NACA: variants seen among roughly 807,000 people sequenced by gnomAD.
NACA encodes the protein nascent polypeptide associated complex subunit alpha.
In NACA, 42 loss-of-function variants were observed where a neutral mutation model predicts 86.4. The ratio of observed to expected loss-of-function variants is 0.49; its 90% CI spans 0.38 to 0.63. NACA has a LOEUF of 0.63. NACA is among the 20% of genes least tolerant of loss of function. The pLI, the probability that NACA is intolerant of heterozygous loss-of-function variation, is 0.00. For synonymous variants in NACA, 898 were observed against 973.7 expected (o/e 0.92, Z 1.45); for missense variants, 2,157 against 2,483.6 (o/e 0.87, Z 2.80).
rs779798540 is a variant in NACA at position 56,715,888 on chromosome 12, A to G, written c.5642T>C (p.Val1881Ala). 6.6e-7 allele frequency: 1 copy of G among 1,516,544 alleles called. No homozygotes were observed. Among genetic ancestry groups the G allele is most frequent in the Non-Finnish European group, 8.8e-7 (1 of 1,132,990 alleles). The allele number at this position is 1,516,544 out of a possible 1,614,324, so 93.9% of individuals were successfully genotyped here. Residue 1881 changes from valine to alanine, a missense_variant, in exon 3 of 9, where the codon GTT becomes GCT. Val to Ala is a moderately conservative substitution (Grantham distance 64, BLOSUM62 0). This residue lies in a region of NACA where 797 missense variants were observed against 777.6 expected (regional missense o/e 1.02). Transcript: ENST00000454682. ...PVPTPSAKQPVTKNNKGSGTE... is the reference protein window; with the variant it reads ...PVPTPSAKQPATKNNKGSGTE... ...GCAAATACCCTTGTTGTTCTTCGTAACAGGTTGCTTGGCAGAGGGGGTTGG... is the reference window on the plus strand; with the variant it reads ...GCAAATACCCTTGTTGTTCTTCGTAGCAGGTTGCTTGGCAGAGGGGGTTGG...
intron 2 of NACA, among the ~76,000 whole-genome samples, chr12:56,722,877 G>A (rs11171952): frequency 0.045 from 6,666 of 148,288 alleles, 211 homozygotes; most frequent in Non-Finnish European, 0.069. Context: ...ATGCTTAGAA[G>A]GGAATGTTAA....
Position 56,720,598 on chromosome 12 carries a change from G to T in NACA, c.932C>A (p.Pro311His), listed in dbSNP as rs1363504975. 1 of 1,613,970 alleles carries T rather than the reference G, an allele frequency of 6.2e-7. No homozygotes were observed. Among genetic ancestry groups the T allele is most frequent in the South Asian group, 1.1e-5 (1 of 91,080 alleles). Residue 311 changes from proline (P) to histidine (H), a missense_variant, in exon 3 of 9, where the codon CCT becomes CAT. By Grantham distance (77) the Pro-to-His change is moderately conservative. Around this residue, in one of 8 missense-constraint regions of NACA, gnomAD observed 947 missense variants for 917.9 expected, o/e 1.03. Coordinates refer to ENST00000454682, the MANE Select transcript of NACA (RefSeq NM_001365896.1). ...FPISLGSHLA[P>H]LHQSSFGSVQ... is the part of the protein sequence containing the mutation. ...AGAACCAAAAGAACTCTGATGTAAA[G>T]GTGCAAGATGAGAGCCCAGAGAAAT... is the stretch of plus-strand genomic sequence containing the variant.
intron 1 of NACA, 47 bp from the exon 2 acceptor site, chr12:56,724,570 T>A: frequency 6.4e-7 from 1 of 1,564,294 alleles, no homozygotes; most frequent in Non-Finnish European, 8.7e-7. Flanking sequence ...TGGGATACAT[T>A]CACTTGCCCA....
chr12:56,721,038 C>T lies in NACA; in HGVS notation c.492G>A (p.Val164=). 1 of 1,613,918 alleles carries T rather than the reference C, an allele frequency of 6.2e-7. No homozygotes were observed. Among genetic ancestry groups the T allele is most frequent in the East Asian group, 2.2e-5 (1 of 44,880 alleles). ...TCACTGACCCTGACTCAGCTACAGC[C>T]ACTGAAGGAGGTGAAGTAAGAAGGT... ...PPNLLTSPPS[V]AVAESGSVIT... is the part of the protein sequence containing the mutation. Residue 164 remains valine, a synonymous_variant, in exon 3 of 9, where the codon GTG becomes GTA. Transcript: ENST00000454682.
chr12:56,718,591 G>A lies in NACA; in HGVS notation c.2939C>T (p.Pro980Leu). The change falls in exon 3 of 9, where the codon CCA (proline) becomes CTA (leucine). Residue 980 changes from proline (P) to leucine (L), a missense_variant. Physicochemically the swap from Pro to Leu is moderately conservative, Grantham distance 98. Around this residue, in one of 8 missense-constraint regions of NACA, gnomAD observed 124 missense variants for 186.5 expected, o/e 0.66. Coordinates refer to ENST00000454682, the MANE Select transcript of NACA (RefSeq NM_001365896.1). ...PPSPKGGPAT[P>L]SPKGAPTPPA... The stretch of plus-strand genomic sequence containing the variant: ...GGGTGTGGGGGCCCCTTTGGGGGAT[G>A]GAGTAGCTGGACCTCCTTTTGGGGA... The A allele has an allele frequency of 7.6e-7, 1 of 1,321,044 alleles. No homozygotes were observed. Among genetic ancestry groups the A allele is most frequent in the Non-Finnish European group, 9.8e-7 (1 of 1,016,692 alleles). 81.8% of individuals were successfully genotyped at this position (1,321,044 alleles called of 1,614,324 possible). A position where few individuals can be genotyped will look rare whatever the true frequency, so the allele number is the denominator to read the frequency against.
chr12:56,716,858 G>C lies in NACA; in HGVS notation c.4672C>G (p.Pro1558Ala). Reference sequence around the variant, plus strand: ...GTTGGAATTGCTGGGGTCTTTTTAGGGGAGGGAACAGTCATAGCTGGGGGA... The same window carrying C: ...GTTGGAATTGCTGGGGTCTTTTTAGCGGAGGGAACAGTCATAGCTGGGGGA... Reference protein sequence around the residue: ...LIPPAMTVPSPKKTPAIPTPK... With the variant: ...LIPPAMTVPSAKKTPAIPTPK... The change falls in exon 3 of 9, where the codon CCT becomes GCT. Residue 1558 changes from proline (P) to alanine (A), a missense_variant. Around this residue, in one of 8 missense-constraint regions of NACA, gnomAD observed 797 missense variants for 777.6 expected, o/e 1.02. Coordinates refer to ENST00000454682, the MANE Select transcript of NACA (RefSeq NM_001365896.1). 2 of 1,335,592 alleles carry C rather than the reference G, an allele frequency of 1.5e-6. No homozygotes were observed. Among genetic ancestry groups the C allele is most frequent in the South Asian group, 1.5e-5 (1 of 67,940 alleles). 82.7% of individuals were successfully genotyped at this position (1,335,592 alleles called of 1,614,324 possible).
rs371282739 is a variant in NACA, at chr12:56,720,677, C to A, written c.853G>T (p.Val285Leu). 2 of 1,613,920 alleles carry A rather than the reference C, an allele frequency of 1.2e-6. No individual in the cohort carries two copies. The highest frequency in any genetic ancestry group is 3.3e-4 in the Middle Eastern group (2 of 6,062). Reference protein sequence around the residue: ...ALSLSTQSLPVVTSSQKTAGP... With the variant: ...ALSLSTQSLPLVTSSQKTAGP... ...GCAGTCTTTTGAGAAGAGGTCACCA[C>A]AGGAAGAGACTGAGTTGAAAGAGAT... Residue 285 changes from valine (V) to leucine (L), a missense_variant, in exon 3 of 9, where the codon GTG (valine) becomes TTG (leucine). Transcript: ENST00000454682.
intron 4 of NACA, 23 bp downstream of exon 4, chr12:56,714,579 C>T (rs200342422): frequency 1.2e-6 from 2 of 1,613,368 alleles, no homozygotes; most frequent in East Asian, 4.5e-5. Context: ...TGACCCAATA[C>T]CAGTTAGTAA....
Position 56,712,887 on chromosome 12 carries a change from C to A in NACA, c.6121G>T (p.Val2041Phe), listed in dbSNP as rs1319717101. The change falls in exon 8 of 9, where the codon GTT becomes TTT. Residue 2041 changes from valine to phenylalanine, a missense_variant. Physicochemically the swap from Val to Phe is conservative, Grantham distance 50. Transcript: ENST00000454682. ...EEEVDETGVE[V>F]KDIELVMSQA... is the part of the protein sequence containing the mutation. ...GACATGACCAATTCAATGTCCTTAA[C>A]TTCTACACCTGTTTCATCGACCTGA... is the stretch of plus-strand genomic sequence containing the variant. The A allele has an allele frequency of 6.2e-7, 1 of 1,614,064 alleles. No individual in the cohort carries two copies. Among genetic ancestry groups the A allele is most frequent in the African/African-American group, 1.3e-5 (1 of 74,916 alleles).
At position 56,718,436 on chromosome 12, in the gene NACA, C is replaced by A; in HGVS notation, c.3094G>T (p.Ala1032Ser). 3 of 1,214,478 alleles carry A rather than the reference C, an allele frequency of 2.5e-6. No homozygotes were observed. The highest frequency in any genetic ancestry group is 2.1e-6 in the Non-Finnish European group (2 of 961,302). The allele number at this position is 1,214,478 out of a possible 1,614,324, so 75.2% of individuals were successfully genotyped here. A position where few individuals can be genotyped will look rare whatever the true frequency, so the allele number is the denominator to read the frequency against. ...SPAATPFPKG[A>S]STPPAATPPS... The stretch of plus-strand genomic sequence containing the variant: ...GGAGTTGCAGCTGGGGGTGTGGATG[C>A]CCCTTTGGGGAATGGGGTAGCTGCT... Residue 1032 changes from alanine to serine, a missense_variant, in exon 3 of 9, where the codon GCA (alanine) becomes TCA (serine). Physicochemically the swap from Ala to Ser is moderately conservative, Grantham distance 99. Transcript: ENST00000454682.
In NACA at chr12:56,720,326, C is replaced by T. The variant is rs1331994148; in HGVS notation, c.1204G>A (p.Ala402Thr). 1.2e-6 allele frequency: 2 copies of T among 1,613,690 alleles called. No individual in the cohort carries two copies. The highest frequency in any genetic ancestry group is 3.3e-5 in the Admixed American group (2 of 59,988). Residue 402 changes from alanine (A) to threonine (T), a missense_variant, in exon 3 of 9, where the codon GCT becomes ACT. Around this residue, in one of 8 missense-constraint regions of NACA, gnomAD observed 947 missense variants for 917.9 expected, o/e 1.03. Coordinates refer to ENST00000454682, the MANE Select transcript of NACA (RefSeq NM_001365896.1). ...TCSPSGSLNV[A>T]TSFSLSPTTS... ...GTAGGAGATAATGAAAAAGAGGTAG[C>T]TACATTTAAGGAGCCAGAAGGGCTG... is the stretch of plus-strand genomic sequence containing the variant.
In NACA at chr12:56,721,251, C is replaced by T; in HGVS notation, c.279G>A (p.Leu93=). The change falls in exon 3 of 9, where the codon TTG becomes TTA. Residue 93 remains leucine (L), a synonymous_variant. Coordinates refer to ENST00000454682, the MANE Select transcript of NACA (RefSeq NM_001365896.1). ...AGGTTGGGGCTTCAGGGGCAGTTCC[C>T]AAAGGTAGGGCTGTTCCAGAGGATG... ...PQSSSGTALP[L]GTAPEAPTFL... is the part of the protein sequence containing the mutation. 2 of 1,613,196 alleles carry T rather than the reference C, an allele frequency of 1.2e-6. No homozygotes were observed. The highest frequency in any genetic ancestry group is 1.7e-6 in the Non-Finnish European group (2 of 1,179,672).
chr12:56,713,445 T>C, intron 6 of NACA, 92 bp downstream of exon 6: 3 of 1,490,588 alleles, frequency 2.0e-6, no homozygotes, highest in Non-Finnish European at 1.8e-6. Context: ...GGATAGCCCT[T>C]CCATAACAGA....
rs761610256 is a variant in NACA at position 56,718,128 on chromosome 12, GGGAGGA to G, written c.3396_3401del (p.Pro1133_Pro1134del). On this transcript the variant is annotated inframe_deletion, in exon 3 of 9. Transcript: ENST00000454682. ...GGGTAGCTAGACCTCCTTTTGGGGA[GGGAGGA>G]GTTGCAGCTGGGGTTGTGGGTGCCC... 1.7e-5 allele frequency: 14 copies of G among 848,088 alleles called. No individual in the cohort carries two copies. Among genetic ancestry groups the G allele is most frequent in the Non-Finnish European group, 1.5e-5 (11 of 711,848 alleles). The allele number at this position is 848,088 out of a possible 1,614,324, so 52.5% of individuals were successfully genotyped here.
rs544766829 is a variant in NACA at position 56,724,243 on chromosome 12, G to T, written c.70+209C>A. 5.7e-4 allele frequency among the ~76,000 whole-genome samples: 87 copies of T among 152,206 alleles called. 1 individual carries two copies. The highest frequency in any genetic ancestry group is 1.9e-3 in the African/African-American group (79 of 41,504). ...GGCATAACATAGAAAGCAAGCTAGG[G>T]TACTTTTAACGTCCACGAATCTTAA... is the stretch of plus-strand genomic sequence containing the variant. On this transcript the variant is annotated intron_variant, in intron 2 of 8. Transcript: ENST00000454682.
At chr12:56,712,660 TACGGCA>T (rs1953250376) in intron 8 of NACA, 108 bp from the exon 9 acceptor site, 2 of 1,595,692 alleles carry the variant, frequency 1.3e-6, no homozygotes, top group African/African-American at 1.3e-5. Flanking sequence ...CTAAAACCTA[TACGGCA>T]ACTCAGAAGA....
intron 5 of NACA, 179 bp downstream of exon 5, chr12:56,714,183 G>C (rs1026598404): frequency 3.3e-6 from 2 of 602,554 alleles, no homozygotes; most frequent in East Asian, 2.9e-5. Context: ...CCACTACTAA[G>C]AATTGGGTTC....
At chr12:56,722,750 C>T (rs975216384) in intron 2 of NACA, among the ~76,000 whole-genome samples, 10 of 152,082 alleles carry the variant, frequency 6.6e-5, no homozygotes, top group African/African-American at 2.4e-4. Context: ...GATCCCCACT[C>T]CTTAACTTGG....
intron 8 of NACA, 42 bp from the exon 9 acceptor site, chr12:56,712,594 TC>T (rs1953248929): frequency 1.2e-6 from 2 of 1,608,382 alleles, no homozygotes; most frequent in Non-Finnish European, 1.7e-6. Context: ...TATAGGCAAA[TC>T]AGGAGAATTC....
Sources: allele counts gnomAD v4.1 joint callset (sites outside exome capture counted in the v4.1 genomes callset), GRCh38; gene constraint gnomAD v4.1.1; regional missense constraint gnomAD v4.1.1; transcripts MANE v1.5; gene names NCBI Gene and HGNC (gene_info 2026-07-23, HGNC 2026-07-21).